Variants in EIF5A2 observed in about 807,000 individuals in gnomAD.
EIF5A2 encodes eukaryotic translation initiation factor 5A-2.
EIF5A2 carries 15 observed loss-of-function variants against 16.4 expected under a neutral mutation model. That is an observed-to-expected ratio of 0.92 (90% CI 0.61 to 1.41). EIF5A2 has a LOEUF of 1.41. Ranked by LOEUF, EIF5A2 falls within the 40% of genes most tolerant of loss-of-function variation. EIF5A2 has a pLI of 0.00. For missense variants in EIF5A2, 144 were observed against 189.5 expected (o/e 0.76, Z 1.41); for synonymous variants, 48 against 61.1 (o/e 0.79, Z 1.00).
chr3:170,902,205 C>CT (rs1249635382), intron 3 of EIF5A2, among the ~76,000 whole-genome samples: 2 of 152,096 alleles, frequency 1.3e-5, no homozygotes, highest in Admixed American at 1.3e-4. Context: ...GGACAGTTGC[C>CT]TATGACCAGC....
chr3:170,894,310 A>AT lies in EIF5A2; in HGVS notation c.383dup (p.Asn128LysfsTer4). Reference sequence around the variant, plus strand: ...TCTTTACCTGTACATCTTCACCTGCATTGTATTTTCCCTCTATTTCTTTGC... The same window carrying AT: ...TCTTTACCTGTACATCTTCACCTGCATTTGTATTTTCCCTCTATTTCTTTGC... On this transcript the variant is annotated frameshift_variant, in exon 4 of 5. Transcript: ENST00000295822. LOFTEE classifies it high-confidence loss of function. 6.2e-7 allele frequency: 1 copy of AT among 1,613,832 alleles called. No individual in the cohort carries two copies. The highest frequency in any genetic ancestry group is 8.5e-7 in the Non-Finnish European group (1 of 1,179,870).
At chr3:170,894,025 C>T (rs1258769828) in intron 4 of EIF5A2, among the ~76,000 whole-genome samples, 6 of 145,716 alleles carry the variant, frequency 4.1e-5, no homozygotes, top group African/African-American at 2.5e-5. Flanking sequence ...AGGGAGACTC[C>T]GTCTCAAAAA....
chr3:170,890,023 T>C lies in EIF5A2; in HGVS notation c.*3337A>G, dbSNP rs960815399. 1.3e-5 allele frequency: 2 copies of C among 152,558 alleles called. No individual in the cohort carries two copies. Among genetic ancestry groups the C allele is most frequent in the African/African-American group, 2.4e-5 (1 of 41,442 alleles). 9.5% of individuals were successfully genotyped at this position (152,558 alleles called of 1,614,324 possible). A position where few individuals can be genotyped will look rare whatever the true frequency, so the allele number is the denominator to read the frequency against. ...ACAATTTGGGAAAATTCTGCCAATATATTTTCAGGCAATTAGCTTTAAAAT... is the reference window on the plus strand; with the variant it reads ...ACAATTTGGGAAAATTCTGCCAATACATTTTCAGGCAATTAGCTTTAAAAT... On this transcript the variant is annotated 3_prime_UTR_variant, in exon 5 of 5. Coordinates refer to ENST00000295822, the MANE Select transcript of EIF5A2 (RefSeq NM_020390.6).
intron 3 of EIF5A2, among the ~76,000 whole-genome samples, chr3:170,905,800 A>G (rs1190799759): frequency 6.6e-6 from 1 of 152,192 alleles, no homozygotes; most frequent in Non-Finnish European, 1.5e-5. Flanking sequence ...TATTTTGTAG[A>G]TGAGAAAACA....
Position 170,892,230 on chromosome 3 carries a change from C to T in EIF5A2, c.*1130G>A, listed in dbSNP as rs1576785289. 2 of 152,364 alleles carry T rather than the reference C, an allele frequency of 1.3e-5. No individual in the cohort carries two copies. The highest frequency in any genetic ancestry group is 4.8e-5 in the African/African-American group (2 of 41,450). The allele number at this position is 152,364 out of a possible 1,614,324, so 9.4% of individuals were successfully genotyped here. On this transcript the variant is annotated 3_prime_UTR_variant, in exon 5 of 5. Transcript: ENST00000295822. ...TCACCTGAGGTCAGGAGTTCAAGAC[C>T]AGCCTAGACAACATGGTGAAACCCC... is the stretch of plus-strand genomic sequence containing the variant.
chr3:170,908,083 C>G (rs143541596), intron 1 of EIF5A2, among the ~76,000 whole-genome samples: 1 of 152,310 alleles, frequency 6.6e-6, no homozygotes, highest in Non-Finnish European at 1.5e-5. Context: ...CCGCCCTGGG[C>G]GCTCCTCCGT....
intron 3 of EIF5A2, among the ~76,000 whole-genome samples, chr3:170,905,709 CAG>C (rs957889938): frequency 6.6e-6 from 1 of 152,118 alleles, no homozygotes; most frequent in Non-Finnish European, 1.5e-5. Flanking sequence ...AAGGGGGAAA[CAG>C]AACAGCACTT....
At chr3:170,905,733 TC>T (rs1382729880) in intron 3 of EIF5A2, among the ~76,000 whole-genome samples, 4 of 152,192 alleles carry the variant, frequency 2.6e-5, no homozygotes, top group African/African-American at 9.7e-5. Context: ...TTGGTACGTA[TC>T]TACTTATGGA....
chr3:170,892,756 A>G lies in EIF5A2; in HGVS notation c.*604T>C. 1 of 398,638 alleles carries G rather than the reference A, an allele frequency of 2.5e-6. No homozygotes were observed. The highest frequency in any genetic ancestry group is 3.6e-5 in the East Asian group (1 of 28,058). 24.7% of individuals were successfully genotyped at this position (398,638 alleles called of 1,614,324 possible). A position where few individuals can be genotyped will look rare whatever the true frequency, so the allele number is the denominator to read the frequency against. On this transcript the variant is annotated 3_prime_UTR_variant, in exon 5 of 5. Coordinates refer to ENST00000295822, the MANE Select transcript of EIF5A2 (RefSeq NM_020390.6). ...TCTGCCAACCATAAGAAGGGACTAA[A>G]ACCACCATATAAGGTTACATCAAGT...
intron 3 of EIF5A2, among the ~76,000 whole-genome samples, chr3:170,903,646 G>A (rs1446242167): frequency 6.6e-6 from 1 of 152,076 alleles, no homozygotes; most frequent in Admixed American, 6.6e-5. Context: ...AGAACACAAG[G>A]ATTCCCATGA....
chr3:170,900,489 T>C lies in EIF5A2; in HGVS notation c.271-6066A>G, dbSNP rs188547573. ...GTGTAAGATGAACCTGGAGAAGCTG[T>C]TGTACTAAAAAGCAAGGAGCTATCA... On this transcript the variant is annotated intron_variant, in intron 3 of 4. Coordinates refer to ENST00000295822, the MANE Select transcript of EIF5A2 (RefSeq NM_020390.6). 4.4e-4 allele frequency among the ~76,000 whole-genome samples: 67 copies of C among 152,070 alleles called. 1 individual carries two copies. In the East Asian group the frequency reaches 0.011, roughly 25 times the overall value.
chr3:170,902,607 CTTTTTTT>C (rs1178996738), intron 3 of EIF5A2, among the ~76,000 whole-genome samples: 4 of 102,244 alleles, frequency 3.9e-5, no homozygotes, highest in Non-Finnish European at 8.0e-5. Context: ...AGAAGCCTTC[CTTTTTTT>C]TTTTTTTTTT....
intron 3 of EIF5A2, among the ~76,000 whole-genome samples, chr3:170,898,976 T>C (rs1712739412): frequency 6.6e-6 from 1 of 152,128 alleles, no homozygotes; most frequent in Non-Finnish European, 1.5e-5. Context: ...TGTATTTTTC[T>C]CAAGAACAAG....
chr3:170,893,619 C>T (rs534824939), intron 4 of EIF5A2, among the ~76,000 whole-genome samples, 200 bp from the exon 5 acceptor site: 1 of 152,298 alleles, frequency 6.6e-6, no homozygotes, highest in African/African-American at 2.4e-5. Flanking sequence ...TTCCAGGGAA[C>T]AGGAAAAATA....
intron 3 of EIF5A2, among the ~76,000 whole-genome samples, chr3:170,900,078 G>A (rs1712771779): frequency 6.6e-6 from 1 of 151,982 alleles, no homozygotes; most frequent in African/African-American, 2.4e-5. Context: ...CTATCAGAAT[G>A]TGGTATTTTT....
At chr3:170,895,974 T>C (rs541610118) in intron 3 of EIF5A2, among the ~76,000 whole-genome samples, 3 of 152,350 alleles carry the variant, frequency 2.0e-5, no homozygotes, top group East Asian at 1.9e-4. Flanking sequence ...TGCACCTAGC[T>C]TGAAGTGTAA....
intron 3 of EIF5A2, among the ~76,000 whole-genome samples, chr3:170,895,025 C>CAAAAAAA (rs748111786): frequency 4.9e-5 from 3 of 60,770 alleles, no homozygotes; most frequent in Non-Finnish European, 9.6e-5. Flanking sequence ...GACTCTGTCT[C>CAAAAAAA]AAAAAAAAAA....
chr3:170,899,281 G>A lies in EIF5A2; in HGVS notation c.271-4858C>T, dbSNP rs1347401249. On this transcript the variant is annotated intron_variant, in intron 3 of 4. Coordinates refer to ENST00000295822, the MANE Select transcript of EIF5A2 (RefSeq NM_020390.6). ...GTCTTGCTCTTTCATGCAGGCAGGA[G>A]TGTGGTGGCATGATCATGACTCACT... 3.3e-5 allele frequency among the ~76,000 whole-genome samples: 5 copies of A among 152,212 alleles called. No homozygotes were observed. In the East Asian group the frequency reaches 7.7e-4, roughly 23 times the overall value.
Position 170,894,440 on chromosome 3 carries a change from T to C in EIF5A2, c.271-17A>G, listed in dbSNP as rs756883915. ...GCATATCAGCTATTAGAAGAAATTA[T>C]ATCATTTGTGCTGATTAGATTATAT... On this transcript the variant is annotated splice_polypyrimidine_tract_variant and intron_variant, in intron 3 of 4. Transcript: ENST00000295822. 35 of 1,612,882 alleles carry C rather than the reference T, an allele frequency of 2.2e-5. No individual in the cohort carries two copies. The African/African-American group carries it at 3.5e-4, about 16-fold the overall frequency.
Sources: gnomAD v4.1 joint callset for allele counts (sites outside exome capture counted in the v4.1 genomes callset) on GRCh38, gnomAD v4.1.1 for gene constraint, MANE v1.5 for transcripts, NCBI Gene and HGNC (gene_info 2026-07-23, HGNC 2026-07-21) for gene names.